The following AGBL1 variants were observed in gnomAD, a reference collection of about 807,000 sequenced individuals.
The protein encoded by AGBL1 is cytosolic carboxypeptidase 4.
In AGBL1, 130 loss-of-function variants were observed where a neutral mutation model predicts 118.9. That is an observed-to-expected ratio of 1.09 (90% confidence interval 0.95 to 1.26). The LOEUF is 1.26. Ranked by LOEUF, AGBL1 falls within the 50% of genes most tolerant of loss-of-function variation. AGBL1 has a pLI of 0.00. For synonymous variants in AGBL1, 555 were observed against 478.9 expected, an observed-to-expected ratio of 1.16 and a Z score of -2.08; for missense variants, 1,584 against 1,298.1, an observed-to-expected ratio of 1.22 and a Z score of -3.38.
intron 6 of AGBL1, among the ~76,000 whole-genome samples, chr15:86,232,862 C>A (rs577341001): frequency 2.0e-5 from 3 of 152,276 alleles, no homozygotes; most frequent in East Asian, 3.9e-4. Flanking sequence ...TTTTGTGAAC[C>A]TTTTACTGCC....
chr15:86,131,948 GA>G (rs11331970), intron 1 of AGBL1, among the ~76,000 whole-genome samples: 13,489 of 132,754 alleles, frequency 0.1, 752 homozygotes, highest in African/African-American at 0.16. Context: ...ACCATGTCTC[GA>G]AAAAAAAAAA....
In AGBL1 at chr15:86,143,843, G is replaced by C; in HGVS notation, c.260G>C (p.Arg87Thr). 10 of 1,613,622 alleles carry C rather than the reference G, an allele frequency of 6.2e-6. No individual in the cohort carries two copies. The highest frequency in any genetic ancestry group is 8.5e-6 in the Non-Finnish European group (10 of 1,179,684). Residue 87 changes from arginine to threonine, a missense_variant and splice_region_variant, in exon 3 of 23, where the codon AGA becomes ACA. Coordinates refer to ENST00000614907, the MANE Select transcript of AGBL1 (RefSeq NM_001386094.1). ...CGGCTGCTGGCCAAAGTTGGCCTAA[G>C]AGGTACTCGTACTCCAAGACCTAAA... is the stretch of plus-strand genomic sequence containing the variant. The part of the protein sequence containing the change: ...LFRLLAKVGL[R>T]DKKIGRKALE...
At chr15:86,380,782 ACTCATT>A (rs1430524710) in intron 17 of AGBL1, among the ~76,000 whole-genome samples, 4 of 152,206 alleles carry the variant, frequency 2.6e-5, no homozygotes, top group Non-Finnish European at 5.9e-5. Flanking sequence ...TTTGAAAGCT[ACTCATT>A]CTCATTTGAA....
chr15:86,283,321 A>G (rs2079385117), intron 16 of AGBL1, among the ~76,000 whole-genome samples: 1 of 152,152 alleles, frequency 6.6e-6, no homozygotes, highest in Non-Finnish European at 1.5e-5. Context: ...GAGAACTTAT[A>G]ACTGTATGAA....
chr15:86,997,066 T>C (rs1045151357), intron 24 of AGBL1, among the ~76,000 whole-genome samples: 2 of 152,088 alleles, frequency 1.3e-5, no homozygotes, highest in Non-Finnish European at 2.9e-5. Context: ...ATAGCCTTTT[T>C]TTCTTTCCTG....
At chr15:86,110,518 G>A (rs927281085) in intron 1 of AGBL1, among the ~76,000 whole-genome samples, 6 of 152,096 alleles carry the variant, frequency 3.9e-5, no homozygotes, top group African/African-American at 1.4e-4. Flanking sequence ...AGAAGGAGAA[G>A]GAAGAGGCGG....
At chr15:86,734,875 G>A (rs980484582) in intron 22 of AGBL1, among the ~76,000 whole-genome samples, 2 of 152,078 alleles carry the variant, frequency 1.3e-5, no homozygotes, top group Non-Finnish European at 2.9e-5. Flanking sequence ...AGCTGATGGG[G>A]AATATGTTGT....
chr15:86,349,635 G>T (rs2080593907), intron 17 of AGBL1, among the ~76,000 whole-genome samples: 1 of 152,192 alleles, frequency 6.6e-6, no homozygotes, highest in African/African-American at 2.4e-5. Flanking sequence ...AACAAAAACT[G>T]TTAGCACACA....
At chr15:86,181,199 T>C (rs1017858538) in intron 5 of AGBL1, among the ~76,000 whole-genome samples, 5 of 152,072 alleles carry the variant, frequency 3.3e-5, no homozygotes, top group African/African-American at 1.2e-4. Context: ...CATATATCCT[T>C]ACAAAGACTC....
At chr15:86,936,110 GC>G (rs1596650528) in intron 23 of AGBL1, among the ~76,000 whole-genome samples, 1 of 152,204 alleles carries the variant, frequency 6.6e-6, no homozygotes, top group Non-Finnish European at 1.5e-5. Flanking sequence ...TGGTGCCCAG[GC>G]CCTGGGGTTC....
intron 18 of AGBL1, among the ~76,000 whole-genome samples, chr15:86,465,609 A>C (rs368760859): frequency 6.6e-6 from 1 of 152,144 alleles, no homozygotes; most frequent in African/African-American, 2.4e-5. Flanking sequence ...AGGTCTCTAA[A>C]CTGGCCGCTC....
intron 22 of AGBL1, among the ~76,000 whole-genome samples, chr15:86,811,867 A>G (rs769155107): frequency 2.6e-5 from 4 of 152,218 alleles, no homozygotes; most frequent in Non-Finnish European, 5.9e-5. Flanking sequence ...TTTAGAACCC[A>G]CTTCATATCT....
chr15:86,573,890 C>T (rs1056996526), intron 21 of AGBL1, among the ~76,000 whole-genome samples: 2 of 152,172 alleles, frequency 1.3e-5, no homozygotes, highest in African/African-American at 2.4e-5. Context: ...GAAATTCTGG[C>T]TATCTACCCC....
intron 8 of AGBL1, 28 bp from the exon 9 acceptor site, chr15:86,257,936 C>G (rs562690374): frequency 4.4e-6 from 7 of 1,607,558 alleles, no homozygotes; most frequent in Non-Finnish European, 5.9e-6. Context: ...GGAAACTTCA[C>G]TTATTTCACC....
rs373483027 is a variant in AGBL1 at position 86,101,748 on chromosome 15, C to T, written c.51+21725C>T. Among the ~76,000 whole-genome samples the T allele has an allele frequency of 6.6e-4, 100 of 151,862 alleles. 2 individuals carry two copies. The South Asian group carries it at 0.02, about 31-fold the overall frequency. On this transcript the variant is annotated intron_variant, in intron 1 of 22. Coordinates refer to ENST00000614907, the MANE Select transcript of AGBL1 (RefSeq NM_001386094.1). ...ATATATTTTTCTATCCCCTGACTTT[C>T]ACCTATATGTTTCTTTACAGGTGAG...
intron 21 of AGBL1, among the ~76,000 whole-genome samples, chr15:86,652,127 G>A (rs2085382621): frequency 6.6e-6 from 1 of 152,110 alleles, no homozygotes. Flanking sequence ...GAGTAAGTCT[G>A]ACACCTGTGC....
intron 22 of AGBL1, among the ~76,000 whole-genome samples, chr15:86,768,383 C>T (rs904893135): frequency 1.3e-5 from 2 of 151,978 alleles, no homozygotes; most frequent in African/African-American, 4.8e-5. Flanking sequence ...AGCCCGCAAG[C>T]ATGATCCACC....
chr15:86,485,326 G>C (rs2082699347), intron 18 of AGBL1, among the ~76,000 whole-genome samples: 2 of 152,246 alleles, frequency 1.3e-5, no homozygotes, highest in East Asian at 3.9e-4. Context: ...ATAAAGAAAA[G>C]ACTTTAAGAG....
At chr15:86,544,438 T>C (rs780842277) in intron 19 of AGBL1, among the ~76,000 whole-genome samples, 35 of 152,214 alleles carry the variant, frequency 2.3e-4, no homozygotes, top group Non-Finnish European at 4.6e-4. Flanking sequence ...TATTAGTCTG[T>C]TCTTATGCTG....
Sources: allele counts gnomAD v4.1 joint callset (sites outside exome capture counted in the v4.1 genomes callset), GRCh38; gene constraint gnomAD v4.1.1; transcripts MANE v1.5; gene names NCBI Gene and HGNC (gene_info 2026-07-23, HGNC 2026-07-21).